The following NPAS3 variants were observed in gnomAD, a reference collection of about 807,000 sequenced individuals.
NPAS3 encodes the protein neuronal PAS domain-containing protein 3.
Under a neutral mutation model 73.1 loss-of-function variants are expected in NPAS3, and 14 were observed. The observed-to-expected ratio is 0.19, with a 90% CI of 0.13 to 0.30. The LOEUF is 0.30. NPAS3 is among the 10% of genes least tolerant of loss of function. The probability of loss-of-function intolerance (pLI) is 1.00; values close to 1 mark genes in which losing one functional copy is unlikely to be tolerated. For missense variants in NPAS3, 1,096 were observed against 1,250.0 expected, an observed-to-expected ratio of 0.88 and a Z score of 1.86; for synonymous variants, 620 against 541.5, an observed-to-expected ratio of 1.14 and a Z score of -2.01.
intron 5 of NPAS3, among the ~76,000 whole-genome samples, chr14:33,637,705 T>C (rs2058562245): frequency 6.6e-6 from 1 of 152,244 alleles, no homozygotes; most frequent in Non-Finnish European, 1.5e-5. Context: ...GTTTTTTTCT[T>C]ACTTTTGTAC....
At chr14:33,719,510 C>A (rs1270269840) in intron 6 of NPAS3, among the ~76,000 whole-genome samples, 3 of 152,176 alleles carry the variant, frequency 2.0e-5, no homozygotes, top group African/African-American at 7.2e-5. Context: ...TTAGAGCTTT[C>A]TAAATACAAT....
intron 1 of NPAS3, among the ~76,000 whole-genome samples, chr14:33,047,743 G>C (rs761074752): frequency 2.0e-5 from 3 of 152,134 alleles, no homozygotes; most frequent in Non-Finnish European, 2.9e-5. Context: ...GAAGGGTGCT[G>C]TCCTGGAACT....
At chr14:33,233,325 C>T (rs1594463668) in intron 3 of NPAS3, among the ~76,000 whole-genome samples, 1 of 151,968 alleles carries the variant, frequency 6.6e-6, no homozygotes, top group African/African-American at 2.4e-5. Context: ...ACATAGCAAA[C>T]TAAGTGGAAA....
chr14:33,109,810 C>CTTTTTTTTTTT (rs67439887), intron 2 of NPAS3, among the ~76,000 whole-genome samples: 6 of 86,948 alleles, frequency 6.9e-5, no homozygotes, highest in Non-Finnish European at 1.1e-4. Flanking sequence ...ATTTGCATGT[C>CTTTTTTTTTTT]TTTTTTTTTT....
intron 5 of NPAS3, among the ~76,000 whole-genome samples, chr14:33,642,619 G>A (rs1377952081): frequency 6.6e-6 from 1 of 152,164 alleles, no homozygotes; most frequent in Admixed American, 6.5e-5. Flanking sequence ...GCTGCTGGGG[G>A]AAAATAAATG....
chr14:33,092,637 C>T (rs565708586), intron 2 of NPAS3, among the ~76,000 whole-genome samples: 1 of 152,158 alleles, frequency 6.6e-6, no homozygotes, highest in Non-Finnish European at 1.5e-5. Context: ...TCATATGGAA[C>T]CTAAAAAGAG....
intron 3 of NPAS3, among the ~76,000 whole-genome samples, chr14:33,261,301 T>TAA (rs34511636): frequency 9.8e-4 from 145 of 148,652 alleles, no homozygotes; most frequent in South Asian, 4.0e-3. Context: ...AGCTTTTATT[T>TAA]AAAAAAAAAA....
At chr14:33,456,304 A>G (rs2050020889) in intron 4 of NPAS3, among the ~76,000 whole-genome samples, 1 of 152,218 alleles carries the variant, frequency 6.6e-6, no homozygotes, top group Non-Finnish European at 1.5e-5. Context: ...TTGTTATAAA[A>G]ATAGTAAATG....
At chr14:33,568,973 A>T (rs2056089895) in intron 5 of NPAS3, among the ~76,000 whole-genome samples, 1 of 152,180 alleles carries the variant, frequency 6.6e-6, no homozygotes, top group Non-Finnish European at 1.5e-5. Context: ...TATTTAAAGT[A>T]TCTTTTGATG....
At chr14:33,716,333 G>C (rs1034077143) in intron 6 of NPAS3, among the ~76,000 whole-genome samples, 1 of 152,098 alleles carries the variant, frequency 6.6e-6, no homozygotes, top group African/African-American at 2.4e-5. Flanking sequence ...TTTGTATCAT[G>C]ATTCTTCCCT....
intron 2 of NPAS3, among the ~76,000 whole-genome samples, chr14:33,182,517 A>T (rs1478902391): frequency 6.6e-6 from 1 of 152,232 alleles, no homozygotes; most frequent in Non-Finnish European, 1.5e-5. Context: ...AAAATGCATG[A>T]AAGTATAGTT....
intron 1 of NPAS3, among the ~76,000 whole-genome samples, chr14:33,052,159 T>C (rs1368423241): frequency 6.6e-6 from 1 of 152,184 alleles, no homozygotes; most frequent in Non-Finnish European, 1.5e-5. Flanking sequence ...TTCAGACACC[T>C]GTATAAGAAA....
At chr14:33,534,782 T>G (rs1005562782) in intron 4 of NPAS3, among the ~76,000 whole-genome samples, 1 of 151,998 alleles carries the variant, frequency 6.6e-6, no homozygotes, top group Admixed American at 6.6e-5. Context: ...TGATGAGACT[T>G]TGGAATTTCC....
At chr14:33,776,223 G>A (rs530270980) in intron 8 of NPAS3, among the ~76,000 whole-genome samples, 12 of 152,264 alleles carry the variant, frequency 7.9e-5, no homozygotes, top group African/African-American at 2.9e-4. Flanking sequence ...TGGAGAAGGA[G>A]ATCCAACCAG....
intron 3 of NPAS3, among the ~76,000 whole-genome samples, chr14:33,284,437 G>A (rs897838126): frequency 6.6e-6 from 1 of 152,094 alleles, no homozygotes; most frequent in African/African-American, 2.4e-5. Context: ...GATGAGTAGT[G>A]TGTGCCAGTA....
intron 2 of NPAS3, among the ~76,000 whole-genome samples, chr14:33,184,885 A>C (rs1160135487): frequency 6.6e-6 from 1 of 152,194 alleles, no homozygotes; most frequent in Non-Finnish European, 1.5e-5. Context: ...ACATGAACAT[A>C]GGGAAGGCCA....
intron 3 of NPAS3, among the ~76,000 whole-genome samples, chr14:33,260,597 G>T (rs1323548945): frequency 6.6e-6 from 1 of 152,058 alleles, no homozygotes; most frequent in East Asian, 1.9e-4. Context: ...CAGATCATTT[G>T]CTATAACATC....
intron 4 of NPAS3, among the ~76,000 whole-genome samples, chr14:33,388,635 C>A (rs942186701): frequency 6.6e-6 from 1 of 151,962 alleles, no homozygotes; most frequent in Admixed American, 6.6e-5. Context: ...AGTGAGATTG[C>A]AATGGAGAAG....
chr14:33,166,443 A>T (rs2045152860), intron 2 of NPAS3, among the ~76,000 whole-genome samples: 2 of 152,034 alleles, frequency 1.3e-5, no homozygotes. Context: ...CCTTGAATTC[A>T]CATCTGTCTT....
Sources: allele counts gnomAD v4.1 joint callset (sites outside exome capture counted in the v4.1 genomes callset), GRCh38; gene constraint gnomAD v4.1.1; transcripts MANE v1.5; gene names NCBI Gene and HGNC (gene_info 2026-07-23, HGNC 2026-07-21).